Variants in OR4N2 observed in about 807,000 individuals in gnomAD.
OR4N2 encodes olfactory receptor family 4 subfamily N member 2, also known as olfactory receptor 4N2.
For missense variants in OR4N2, 307 were observed against 377.6 expected (o/e 0.81, Z 1.55); for synonymous variants, 141 against 140.4 (o/e 1.00, Z -0.03).
At chr14:19,807,219 T>A (rs1879185933) in intron 1 of OR4N2, among the ~76,000 whole-genome samples, 1 of 150,158 alleles carries the variant, frequency 6.7e-6, no homozygotes, top group African/African-American at 2.4e-5. Flanking sequence ...GAATAACAGA[T>A]ATAACTACAA....
chr14:19,820,004 T>C (rs1879524722), intron 1 of OR4N2, among the ~76,000 whole-genome samples: 1 of 152,276 alleles, frequency 6.6e-6, no homozygotes, highest in African/African-American at 2.4e-5. Context: ...TTCCTGGGTG[T>C]CATCAGCAAA....
In OR4N2 at chr14:19,812,398, C is replaced by T. The variant is rs186992863; in HGVS notation, c.-10+8554C>T. On this transcript the variant is annotated intron_variant, in intron 1 of 1. Transcript: ENST00000557677. ...CTGGATCTCGACAGTGGCGCAATCT[C>T]GGCTCACTGCAAACTCCACCTCCCG... 7.7e-3 allele frequency among the ~76,000 whole-genome samples: 1,095 copies of T among 143,000 alleles called. 9 individuals carry two copies. The highest frequency in any genetic ancestry group is 0.026 in the African/African-American group (1,008 of 38,796). 93.8% of individuals were successfully genotyped at this position (143,000 alleles called of 152,430 possible).
At chr14:19,821,193 A>G (rs545774898) in intron 1 of OR4N2, among the ~76,000 whole-genome samples, 6 of 152,246 alleles carry the variant, frequency 3.9e-5, no homozygotes, top group African/African-American at 7.2e-5. Context: ...GAGTTCCCTG[A>G]ACCCTTCCAC....
Position 19,827,442 on chromosome 14 carries a change from C to T in OR4N2, c.-7C>T, listed in dbSNP as rs1192795655. On this transcript the variant is annotated splice_region_variant and 5_prime_UTR_variant, in exon 2 of 2. Coordinates refer to ENST00000557677, the MANE Select transcript of OR4N2 (RefSeq NM_001004723.3). ...TTCTGCTTCTTAATGTACTGCAGGC[C>T]AGGGAAATGGAAAGCGAGAACAGAA... is the stretch of plus-strand genomic sequence containing the variant. The T allele has an allele frequency of 6.4e-7, 1 of 1,573,118 alleles. No homozygotes were observed. The highest frequency in any genetic ancestry group is 1.4e-5 in the African/African-American group (1 of 73,252).
chr14:19,814,437 C>T (rs1164683095), intron 1 of OR4N2, among the ~76,000 whole-genome samples: 1 of 152,302 alleles, frequency 6.6e-6, no homozygotes, highest in East Asian at 1.9e-4. Flanking sequence ...GTCCTTATCA[C>T]CGTCAACATC....
intron 1 of OR4N2, among the ~76,000 whole-genome samples, chr14:19,807,792 A>T (rs1355099085): frequency 3.3e-5 from 5 of 152,072 alleles, no homozygotes; most frequent in African/African-American, 1.2e-4. Context: ...AAAACAAATC[A>T]TCAGGCCAAT....
At chr14:19,811,267 G>A (rs139252555) in intron 1 of OR4N2, among the ~76,000 whole-genome samples, 114 of 152,254 alleles carry the variant, frequency 7.5e-4, no homozygotes, top group Non-Finnish European at 1.4e-3. Context: ...ATTTTTTTGA[G>A]ATGGAGTCTC....
At chr14:19,812,319 C>CTT (rs1879318650) in intron 1 of OR4N2, among the ~76,000 whole-genome samples, 1 of 107,510 alleles carries the variant, frequency 9.3e-6, no homozygotes, top group Admixed American at 1.0e-4. Context: ...TTTTTCTTTT[C>CTT]TTTTCTTTTC....
At chr14:19,810,917 A>T (rs1446266710) in intron 1 of OR4N2, among the ~76,000 whole-genome samples, 1 of 152,260 alleles carries the variant, frequency 6.6e-6, no homozygotes, top group African/African-American at 2.4e-5. Flanking sequence ...ATATGACAAA[A>T]CACATTCGCC....
chr14:19,821,209 C>T (rs7141088), intron 1 of OR4N2, among the ~76,000 whole-genome samples: 42,018 of 148,912 alleles, frequency 0.28, 2,945 homozygotes, highest in African/African-American at 0.32. Context: ...TCCACTTCCC[C>T]GGTGATGTGA....
chr14:19,809,373 A>G (rs1433109714), intron 1 of OR4N2, among the ~76,000 whole-genome samples: 1 of 151,914 alleles, frequency 6.6e-6, no homozygotes, highest in Non-Finnish European at 1.5e-5. Context: ...TAATTAAACA[A>G]AAGAGCTTCT....
chr14:19,812,673 A>G (rs1275012712), intron 1 of OR4N2, among the ~76,000 whole-genome samples: 1 of 152,092 alleles, frequency 6.6e-6, no homozygotes, highest in Admixed American at 6.5e-5. Context: ...TTGACTTTTT[A>G]ATAATAGTCC....
intron 1 of OR4N2, among the ~76,000 whole-genome samples, chr14:19,815,184 C>T (rs1199887525): frequency 1.3e-5 from 2 of 152,204 alleles, no homozygotes; most frequent in Admixed American, 6.5e-5. Context: ...TGGGTATATA[C>T]CCAGTAATGG....
chr14:19,825,854 G>C (rs1203785422), intron 1 of OR4N2, among the ~76,000 whole-genome samples: 1 of 152,128 alleles, frequency 6.6e-6, no homozygotes, highest in Non-Finnish European at 1.5e-5. Flanking sequence ...CATCGTGCCC[G>C]GCCGCTAGAG....
Position 19,828,224 on chromosome 14 carries a change from C to A in OR4N2, c.776C>A (p.Thr259Lys), listed in dbSNP as rs774117994. Reference sequence around the variant, plus strand: ...TTTGGACCTGGCATCTTCATCTACACGCGCCCCTTCAGGGCTTTCCCAGCT... The same window carrying A: ...TTTGGACCTGGCATCTTCATCTACAAGCGCCCCTTCAGGGCTTTCCCAGCT... ...FMFGPGIFIY[T>K]RPFRAFPADK... Residue 259 changes from threonine to lysine, a missense_variant, in exon 2 of 2, where the codon ACG (threonine) becomes AAG (lysine). By Grantham distance (78) the Thr-to-Lys change is moderately conservative (BLOSUM62 -1). Coordinates refer to ENST00000557677, the MANE Select transcript of OR4N2 (RefSeq NM_001004723.3). The A allele has an allele frequency of 3.1e-6, 5 of 1,614,254 alleles. No individual in the cohort carries two copies. Among genetic ancestry groups the A allele is most frequent in the Non-Finnish European group, 4.2e-6 (5 of 1,180,038 alleles).
chr14:19,815,670 GT>G (rs1234128937), intron 1 of OR4N2, among the ~76,000 whole-genome samples: 1 of 105,468 alleles, frequency 9.5e-6, no homozygotes, highest in East Asian at 2.8e-4. Flanking sequence ...TTTTTTTTTT[GT>G]TTTTTTTCTG....
chr14:19,814,606 C>T (rs1435167511), intron 1 of OR4N2, among the ~76,000 whole-genome samples: 1 of 152,200 alleles, frequency 6.6e-6, no homozygotes, highest in African/African-American at 2.4e-5. Flanking sequence ...AAGGCAGGAT[C>T]AGCAACTGCC....
At chr14:19,811,157 G>A (rs1456058971) in intron 1 of OR4N2, among the ~76,000 whole-genome samples, 1 of 152,250 alleles carries the variant, frequency 6.6e-6, no homozygotes, top group African/African-American at 2.4e-5. Flanking sequence ...GTATTACCCT[G>A]ATACCAAAAT....
intron 1 of OR4N2, among the ~76,000 whole-genome samples, chr14:19,811,672 G>A (rs1879300644): frequency 6.6e-6 from 1 of 152,258 alleles, no homozygotes; most frequent in African/African-American, 2.4e-5. Flanking sequence ...CAAGTTAATT[G>A]CTATATTCAC....
Sources: allele counts gnomAD v4.1 joint callset (sites outside exome capture counted in the v4.1 genomes callset), GRCh38; gene constraint gnomAD v4.1.1; transcripts MANE v1.5; gene names NCBI Gene and HGNC (gene_info 2026-07-23, HGNC 2026-07-21).